Variants in METRN observed in about 807,000 individuals in gnomAD.
METRN encodes the protein meteorin.
A neutral mutation model predicts 17.4 loss-of-function variants in METRN; 17 were observed. The observed-to-expected ratio is 0.98, with a 90% confidence interval of 0.67 to 1.46. The LOEUF is 1.46. Among genes scored for constraint, METRN ranks in the 40% most tolerant of loss-of-function variants. The pLI, the probability that METRN is intolerant of heterozygous loss-of-function variation, is 0.00. For synonymous variants in METRN, 230 were observed against 210.8 expected, an observed-to-expected ratio of 1.09 and a Z score of -0.79; for missense variants, 489 against 456.2, an observed-to-expected ratio of 1.07 and a Z score of -0.65.
Position 715,259 on chromosome 16 carries a change from C to A in METRN, c.-31C>A, listed in dbSNP as rs760882370. On this transcript the variant is annotated 5_prime_UTR_variant, in exon 1 of 4. Coordinates refer to ENST00000568223, the MANE Select transcript of METRN (RefSeq NM_024042.4). ...CCCGCCGGGGCAGCGGTGGTGAGAG[C>A]CCCGACTCCCCGGACGCCGCCCGCC... 413 of 1,237,594 alleles carry A rather than the reference C, an allele frequency of 3.3e-4. 3 individuals carry two copies. The Middle Eastern group carries it at 8.5e-3, about 25-fold the overall frequency. The allele number at this position is 1,237,594 out of a possible 1,614,324, so 76.7% of individuals were successfully genotyped here.
intron 2 of METRN, 41 bp downstream of exon 2, chr16:716,025 G>A (rs777430740): frequency 2.6e-4 from 364 of 1,404,260 alleles, no homozygotes; most frequent in Non-Finnish European, 3.3e-4. Flanking sequence ...GAGTCCCGAA[G>A]TCTTACCCTG....
In METRN at chr16:715,314, C is replaced by T; in HGVS notation, c.25C>T (p.Leu9Phe). 1 of 1,350,262 alleles carries T rather than the reference C, an allele frequency of 7.4e-7. No homozygotes were observed. Among genetic ancestry groups the T allele is most frequent in the Non-Finnish European group, 9.5e-7 (1 of 1,051,098 alleles). 83.6% of individuals were successfully genotyped at this position (1,350,262 alleles called of 1,614,324 possible). A position where few individuals can be genotyped will look rare whatever the true frequency, so the allele number is the denominator to read the frequency against. The change falls in exon 1 of 4, where the codon CTC becomes TTC. Residue 9 changes from leucine (L) to phenylalanine (F), a missense_variant. Leu to Phe is a conservative substitution (Grantham distance 22). Coordinates refer to ENST00000568223, the MANE Select transcript of METRN (RefSeq NM_024042.4). The stretch of plus-strand genomic sequence containing the variant: ...CATGGGGTTCCCGGCCGCGGCGCTG[C>T]TCTGCGCGCTGTGCTGCGGCCTCCT... MGFPAAAL[L>F]CALCCGLLAP...
At chr16:715,553 G>C in intron 1 of METRN, 31 bp from the exon 2 acceptor site, 1 of 1,295,584 alleles carries the variant, frequency 7.7e-7, no homozygotes, top group South Asian at 2.2e-5. Flanking sequence ...ACCCGCCCCC[G>C]TCTCAGCGCC....
Position 715,612 on chromosome 16 carries a change from G to A in METRN, c.133G>A (p.Gly45Arg), listed in dbSNP as rs1289763287. 6 of 1,406,670 alleles carry A rather than the reference G, an allele frequency of 4.3e-6. No homozygotes were observed. The highest frequency in any genetic ancestry group is 4.6e-6 in the Non-Finnish European group (5 of 1,086,114). The allele number at this position is 1,406,670 out of a possible 1,614,324, so 87.1% of individuals were successfully genotyped here. Residue 45 changes from glycine (G) to arginine (R), a missense_variant, in exon 2 of 4, where the codon GGG becomes AGG. Gly to Arg is a moderately radical substitution (Grantham distance 125). Coordinates refer to ENST00000568223, the MANE Select transcript of METRN (RefSeq NM_024042.4). ...SGLTQEPGSV[G>R]QLALACAEGA... ...CCTCACCCAGGAGCCCGGCAGCGTGGGGCAGCTGGCCCTGGCCTGTGCGGA... is the reference window on the plus strand; with the variant it reads ...CCTCACCCAGGAGCCCGGCAGCGTGAGGCAGCTGGCCCTGGCCTGTGCGGA...
intron 2 of METRN, 173 bp downstream of exon 2, chr16:716,157 G>A (rs989423197): frequency 7.1e-6 from 7 of 985,322 alleles, no homozygotes; most frequent in Non-Finnish European, 8.4e-6. Flanking sequence ...TGGCCTCCCC[G>A]CCCTCCCTTC....
chr16:715,982 A>G lies in METRN; in HGVS notation c.503A>G (p.Asp168Gly), dbSNP rs978271675. Reference sequence around the variant, plus strand: ...CCGCAGGCCCACGGTCTCGGCGTAGACGGTGAGTGGCGGTCTGGTTGGGAC... The same window carrying G: ...CCGCAGGCCCACGGTCTCGGCGTAGGCGGTGAGTGGCGGTCTGGTTGGGAC... ...LPPQAHGLGV[D>G]GACRPCSDAE... is the part of the protein sequence containing the mutation. Residue 168 changes from aspartate (D) to glycine (G), a missense_variant and splice_region_variant, in exon 2 of 4, where the codon GAC becomes GGC. Physicochemically the swap from Asp to Gly is moderately conservative, Grantham distance 94. Coordinates refer to ENST00000568223, the MANE Select transcript of METRN (RefSeq NM_024042.4). The G allele has an allele frequency of 2.6e-5, 38 of 1,482,696 alleles. No individual in the cohort carries two copies. The highest frequency in any genetic ancestry group is 3.1e-5 in the Non-Finnish European group (35 of 1,122,594). 91.8% of individuals were successfully genotyped at this position (1,482,696 alleles called of 1,614,324 possible).
chr16:718,628 T>G lies in METRN; in HGVS notation c.*1241T>G, dbSNP rs1438737287. ...GTCACCTCCAGCGCCGCCCTGGGAC[T>G]TCCACTGCACGTGCAAGAGACTTAC... On this transcript the variant is annotated 3_prime_UTR_variant, in exon 4 of 4. Transcript: ENST00000568223. The G allele has an allele frequency of 6.9e-6, 1 of 145,002 alleles. No individual in the cohort carries two copies. Among genetic ancestry groups the G allele is most frequent in the Non-Finnish European group, 1.5e-5 (1 of 67,916 alleles). 9.0% of individuals were successfully genotyped at this position (145,002 alleles called of 1,614,324 possible). A position where few individuals can be genotyped will look rare whatever the true frequency, so the allele number is the denominator to read the frequency against.
In METRN at chr16:715,939, G is replaced by T. The variant is rs962032575; in HGVS notation, c.460G>T (p.Gly154Trp). Reference protein sequence around the residue: ...AAFRFELREDGRPELPPQAHG... With the variant: ...AAFRFELREDWRPELPPQAHG... ...CTTCCGCTTTGAGCTGCGCGAGGAC[G>T]GGCGCCCCGAGCTGCCCCCGCAGGC... Residue 154 changes from glycine to tryptophan, a missense_variant, in exon 2 of 4, where the codon GGG (glycine) becomes TGG (tryptophan). Gly to Trp is a radical substitution (Grantham distance 184). Coordinates refer to ENST00000568223, the MANE Select transcript of METRN (RefSeq NM_024042.4). 4 of 1,498,550 alleles carry T rather than the reference G, an allele frequency of 2.7e-6. No individual in the cohort carries two copies. The South Asian group carries it at 3.7e-5, about 14-fold the overall frequency. 92.8% of individuals were successfully genotyped at this position (1,498,550 alleles called of 1,614,324 possible).
chr16:716,609 G>A, intron 2 of METRN: 4 of 1,535,388 alleles, frequency 2.6e-6, no homozygotes, highest in Non-Finnish European at 3.5e-6. Context: ...AGGGGTCCCA[G>A]ATGCTGGGGT....
rs1453543966 is a variant in METRN at position 718,578 on chromosome 16, C to T, written c.*1191C>T. 1.3e-5 allele frequency: 2 copies of T among 150,716 alleles called. No individual in the cohort carries two copies. The highest frequency in any genetic ancestry group is 6.5e-5 in the Admixed American group (1 of 15,268). 9.3% of individuals were successfully genotyped at this position (150,716 alleles called of 1,614,324 possible). Reference sequence around the variant, plus strand: ...TGCAGATGCCTGATGAGTGCCATGCCCTCTGTGGACACCTGGGGAGGGGGG... The same window carrying T: ...TGCAGATGCCTGATGAGTGCCATGCTCTCTGTGGACACCTGGGGAGGGGGG... On this transcript the variant is annotated 3_prime_UTR_variant, in exon 4 of 4. Coordinates refer to ENST00000568223, the MANE Select transcript of METRN (RefSeq NM_024042.4).
intron 2 of METRN, chr16:716,656 G>A (rs1298837769): frequency 6.5e-7 from 1 of 1,535,264 alleles, no homozygotes; most frequent in East Asian, 2.4e-5. Flanking sequence ...GGCGGCCCAG[G>A]ACAGCTGATC....
Position 717,533 on chromosome 16 carries a change from A to G in METRN, c.*146A>G, listed in dbSNP as rs918638308. The G allele has an allele frequency of 2.3e-5, 16 of 696,732 alleles. No homozygotes were observed. The highest frequency in any genetic ancestry group is 2.9e-5 in the Non-Finnish European group (14 of 482,292). 43.2% of individuals were successfully genotyped at this position (696,732 alleles called of 1,614,324 possible). ...CAGCCCAGCCTTGGGCCTGCCTCGC[A>G]GCTGTGAGGATGGCTCCAATTCCTG... On this transcript the variant is annotated 3_prime_UTR_variant, in exon 4 of 4. Coordinates refer to ENST00000568223, the MANE Select transcript of METRN (RefSeq NM_024042.4).
Position 715,283 on chromosome 16 carries a change from C to T in METRN, c.-7C>T. On this transcript the variant is annotated 5_prime_UTR_variant, in exon 1 of 4. Transcript: ENST00000568223. ...GCCCCGACTCCCCGGACGCCGCCCG[C>T]CGTGCCATGGGGTTCCCGGCCGCGG... The T allele has an allele frequency of 2.3e-6, 3 of 1,315,112 alleles. No individual in the cohort carries two copies. Among genetic ancestry groups the T allele is most frequent in the Non-Finnish European group, 2.9e-6 (3 of 1,029,082 alleles). 81.5% of individuals were successfully genotyped at this position (1,315,112 alleles called of 1,614,324 possible).
chr16:715,963 G>A lies in METRN; in HGVS notation c.484G>A (p.Ala162Thr), dbSNP rs1567303705. 4 of 1,496,856 alleles carry A rather than the reference G, an allele frequency of 2.7e-6. No homozygotes were observed. The highest frequency in any genetic ancestry group is 1.4e-5 in the African/African-American group (1 of 69,062). The allele number at this position is 1,496,856 out of a possible 1,614,324, so 92.7% of individuals were successfully genotyped here. A position where few individuals can be genotyped will look rare whatever the true frequency, so the allele number is the denominator to read the frequency against. ...EDGRPELPPQ[A>T]HGLGVDGACR... ...CGGGCGCCCCGAGCTGCCCCCGCAG[G>A]CCCACGGTCTCGGCGTAGACGGTGA... Residue 162 changes from alanine (A) to threonine (T), a missense_variant, in exon 2 of 4, where the codon GCC (alanine) becomes ACC (threonine). Ala to Thr is a moderately conservative substitution (Grantham distance 58). Transcript: ENST00000568223.
At position 717,295 on chromosome 16, in the gene METRN, C is replaced by A; in HGVS notation, c.790C>A (p.Leu264Met). The change falls in exon 4 of 4, where the codon CTG becomes ATG. Residue 264 changes from leucine to methionine, a missense_variant. By Grantham distance (15) the Leu-to-Met change is conservative (BLOSUM62 2). Transcript: ENST00000568223. ...CTGGAGCCGCTTTGGGGAGGCCCGG[C>A]TGGGCTGTGCCCCACGATTCCAGGA... ...MGWSRFGEAR[L>M]GCAPRFQEFR... 6.5e-7 allele frequency: 1 copy of A among 1,530,294 alleles called. No homozygotes were observed. Among genetic ancestry groups the A allele is most frequent in the East Asian group, 2.4e-5 (1 of 41,254 alleles). 94.8% of individuals were successfully genotyped at this position (1,530,294 alleles called of 1,614,324 possible). A position where few individuals can be genotyped will look rare whatever the true frequency, so the allele number is the denominator to read the frequency against.
rs1263758164 is a variant in METRN, at chr16:717,493, C to A, written c.*106C>A. The stretch of plus-strand genomic sequence containing the variant: ...TCTGTTCACGCAAGCTGCTGTGGAC[C>A]TGGTCTCCTGTGTCCAGCCCAGCCT... On this transcript the variant is annotated 3_prime_UTR_variant, in exon 4 of 4. Coordinates refer to ENST00000568223, the MANE Select transcript of METRN (RefSeq NM_024042.4). 2.7e-6 allele frequency: 3 copies of A among 1,113,270 alleles called. No individual in the cohort carries two copies. The highest frequency in any genetic ancestry group is 7.5e-5 in the Admixed American group (2 of 26,816). 69.0% of individuals were successfully genotyped at this position (1,113,270 alleles called of 1,614,324 possible).
At position 715,623 on chromosome 16, in the gene METRN, C is replaced by T. The variant is rs1365641570; in HGVS notation, c.144C>T (p.Ala48=). 4.9e-6 allele frequency: 7 copies of T among 1,431,600 alleles called. No homozygotes were observed. Among genetic ancestry groups the T allele is most frequent in the South Asian group, 1.4e-5 (1 of 70,642 alleles). The allele number at this position is 1,431,600 out of a possible 1,614,324, so 88.7% of individuals were successfully genotyped here. ...AGCCCGGCAGCGTGGGGCAGCTGGC[C>T]CTGGCCTGTGCGGAGGGCGCGGTTG... The part of the protein sequence containing the change: ...TQEPGSVGQL[A]LACAEGAVEW... Residue 48 remains alanine, a synonymous_variant, in exon 2 of 4, where the codon GCC becomes GCT. Transcript: ENST00000568223.
chr16:716,240 C>T, intron 2 of METRN: 2 of 985,420 alleles, frequency 2.0e-6, no homozygotes, highest in South Asian at 4.7e-5. Flanking sequence ...CAATCCTGGG[C>T]CTCTGGTCCC....
At position 717,365 on chromosome 16, in the gene METRN, C is replaced by A; in HGVS notation, c.860C>A (p.Pro287His). 6.9e-7 allele frequency: 1 copy of A among 1,457,582 alleles called. No homozygotes were observed. 90.3% of individuals were successfully genotyped at this position (1,457,582 alleles called of 1,614,324 possible). The change falls in exon 4 of 4, where the codon CCC becomes CAC. Residue 287 changes from proline to histidine, a missense_variant. Physicochemically the swap from Pro to His is moderately conservative, Grantham distance 77 (BLOSUM62 -2). Transcript: ENST00000568223. ...YEAARAAHLH[P>H]CEVALH is the part of the protein sequence containing the mutation. ...GCTGCCCGTGCTGCCCACCTCCACC[C>A]CTGCGAGGTGGCGCTGCACTGAGGG...
Sources: allele counts gnomAD v4.1 joint callset, GRCh38; gene constraint gnomAD v4.1.1; transcripts MANE v1.5; gene names NCBI Gene and HGNC (gene_info 2026-07-23, HGNC 2026-07-21).